Variants in DHRS7 observed in about 807,000 individuals in gnomAD.
The protein encoded by DHRS7 is dehydrogenase/reductase 7.
In DHRS7, 34 loss-of-function variants were observed where a neutral mutation model predicts 38.9. The ratio of observed to expected loss-of-function variants is 0.87; its 90% confidence interval spans 0.66 to 1.16. The LOEUF (loss-of-function observed/expected upper bound fraction) is 1.16. Ranked by LOEUF, DHRS7 falls within the 50% of genes most tolerant of loss-of-function variation. The pLI is 0.00. For missense variants in DHRS7, 421 were observed against 407.0 expected (o/e 1.03, Z -0.30); for synonymous variants, 158 against 153.1 (o/e 1.03, Z -0.24).
At position 60,162,427 on chromosome 14, in the gene DHRS7, G is replaced by C. The variant is rs1896781699; in HGVS notation, c.133+2750C>G. ...TGAGATATATGCTTGGAAATGCACAGAATTTCTCTAGACGGATACAGAGGA... is the reference window on the plus strand; with the variant it reads ...TGAGATATATGCTTGGAAATGCACACAATTTCTCTAGACGGATACAGAGGA... On this transcript the variant is annotated intron_variant, in intron 1 of 6. Transcript: ENST00000557185. This position sits in a 1 kb window ranked among gnomAD's most constrained non-coding sequence, Gnocchi z 4.5. 6.6e-6 allele frequency among the ~76,000 whole-genome samples: 1 copy of C among 151,752 alleles called. No individual in the cohort carries two copies. The highest frequency in any genetic ancestry group is 1.5e-5 in the Non-Finnish European group (1 of 67,976).
rs1896416603 is a variant in DHRS7 at position 60,146,748 on chromosome 14, G to A, written c.973-1735C>T. On this transcript the variant is annotated intron_variant, in intron 6 of 6. Transcript: ENST00000557185. This position sits in a 1 kb window ranked among gnomAD's most constrained non-coding sequence, Gnocchi z 4.9. ...AATATTTTTCAGCCATAAAACAATGGAACTCCTGGCATTTGTGAAAACATG... is the reference window on the plus strand; with the variant it reads ...AATATTTTTCAGCCATAAAACAATGAAACTCCTGGCATTTGTGAAAACATG... 1 of 151,968 alleles carries A rather than the reference G, an allele frequency of 6.6e-6. No homozygotes were observed. The highest frequency in any genetic ancestry group is 2.4e-5 in the African/African-American group (1 of 41,336). 9.4% of individuals were successfully genotyped at this position (151,968 alleles called of 1,614,324 possible). A position where few individuals can be genotyped will look rare whatever the true frequency, so the allele number is the denominator to read the frequency against.
chr14:60,169,160 A>T (rs1252828080), upstream of DHRS7: 1 of 152,360 alleles, frequency 6.6e-6, no homozygotes. Context: ...AAAAAAAAAA[A>T]ACCATTGCAC....
intron 1 of DHRS7, among the ~76,000 whole-genome samples, chr14:60,163,648 T>G (rs1304037548): frequency 6.6e-6 from 1 of 152,216 alleles, no homozygotes; most frequent in Non-Finnish European, 1.5e-5. Context: ...GATCTTAACT[T>G]TTAACTTTTC....
At chr14:60,163,966 G>A (rs1157666862) in intron 1 of DHRS7, among the ~76,000 whole-genome samples, 1 of 152,076 alleles carries the variant, frequency 6.6e-6, no homozygotes, top group Non-Finnish European at 1.5e-5. Context: ...TGCAGTATTT[G>A]GGATTCCTGC....
chr14:60,152,856 C>T (rs761438570), intron 4 of DHRS7, 83 bp downstream of exon 4: 166 of 1,504,154 alleles, frequency 1.1e-4, no homozygotes, highest in Middle Eastern at 1.7e-4. Flanking sequence ...CTTCCAGTTC[C>T]AAGGACCTCA....
At chr14:60,147,269 GATAA>G (rs1158541635) in intron 6 of DHRS7, 1 of 152,066 alleles carries the variant, frequency 6.6e-6, no homozygotes, top group Non-Finnish European at 1.5e-5. Context: ...TCAGTTATAA[GATAA>G]ATAACTTATG....
Position 60,154,036 on chromosome 14 carries a change from GTA to G in DHRS7, c.314_315del (p.Ile105ThrfsTer6). ...TCGGTCAGGTCAAGGGGCAAAACAA[GTA>G]TATCTTTTTCTTTTAAATTGCCATT... ...LENGNLKEKD[I>X]LVLPLDLTDT... On this transcript the variant is annotated frameshift_variant, in exon 3 of 7. Transcript: ENST00000557185. LOFTEE classifies it high-confidence loss of function. The G allele has an allele frequency of 1.2e-6, 2 of 1,613,904 alleles. No individual in the cohort carries two copies. The highest frequency in any genetic ancestry group is 1.7e-6 in the Non-Finnish European group (2 of 1,179,862).
At chr14:60,168,662 C>A, upstream of DHRS7, 3 of 1,519,068 alleles carry the variant, frequency 2.0e-6, no homozygotes, top group Non-Finnish European at 2.6e-6. Context: ...ATGCTTTTTC[C>A]TCTCCTTCTC....
Position 60,162,651 on chromosome 14 carries a change from G to C in DHRS7, c.133+2526C>G, listed in dbSNP as rs959190277. On this transcript the variant is annotated intron_variant, in intron 1 of 6. Coordinates refer to ENST00000557185, the MANE Select transcript of DHRS7 (RefSeq NM_016029.4). The surrounding 1 kb of genome is among the most constrained non-coding windows in gnomAD (Gnocchi z 4.5). ...GGATTTTTTTTTCTTTTTTCATCTT[G>C]ATAGAGTCTGCCCATCTCTCCAGTC... Among the ~76,000 whole-genome samples the C allele has an allele frequency of 6.6e-6, 1 of 150,972 alleles. No homozygotes were observed. The highest frequency in any genetic ancestry group is 1.5e-5 in the Non-Finnish European group (1 of 67,816).
In DHRS7 at chr14:60,165,394, C is replaced by T; in HGVS notation, c.-85G>A. On this transcript the variant is annotated 5_prime_UTR_variant, in exon 1 of 7. Transcript: ENST00000557185. This position sits in a 1 kb window ranked among gnomAD's most constrained non-coding sequence, Gnocchi z 4.6. The stretch of plus-strand genomic sequence containing the variant: ...TGCCCTGCGGGATCGCAGCGCCACC[C>T]CTTCGGCCAGCCCAGAGCCGCACTG... The T allele has an allele frequency of 2.7e-5, 40 of 1,500,318 alleles. No homozygotes were observed. The highest frequency in any genetic ancestry group is 3.5e-5 in the Non-Finnish European group (40 of 1,128,280). The allele number at this position is 1,500,318 out of a possible 1,614,324, so 92.9% of individuals were successfully genotyped here.
rs914297510 is a variant in DHRS7 at position 60,162,736 on chromosome 14, A to G, written c.133+2441T>C. ...TTCCTTTAATCTTTTCTTCTTTCTC[A>G]CTCCCTACCTCCACCAGGAGTCTTT... On this transcript the variant is annotated intron_variant, in intron 1 of 6. Coordinates refer to ENST00000557185, the MANE Select transcript of DHRS7 (RefSeq NM_016029.4). The surrounding 1 kb of genome is among the most constrained non-coding windows in gnomAD (Gnocchi z 4.5). Among the ~76,000 whole-genome samples the G allele has an allele frequency of 2.0e-5, 3 of 150,862 alleles. No individual in the cohort carries two copies.
intron 1 of DHRS7, among the ~76,000 whole-genome samples, chr14:60,160,343 C>CT (rs752997109): frequency 0.037 from 4,296 of 116,750 alleles, 79 homozygotes; most frequent in Admixed American, 0.074. Flanking sequence ...AAAAAAACTT[C>CT]TTTTTTTTTT....
rs998802617 is a variant in DHRS7 at position 60,153,256 on chromosome 14, GTTATTTTGTTAAC to G, written c.394-91_394-79del. On this transcript the variant is annotated intron_variant, in intron 3 of 6. Coordinates refer to ENST00000557185, the MANE Select transcript of DHRS7 (RefSeq NM_016029.4). The surrounding 1 kb of genome is among the most constrained non-coding windows in gnomAD (Gnocchi z 4.4). ...TTGATGGAATTCCTATGGATGGTTG[GTTATTTTGTTAAC>G]TTAAAGAATCAATGGAACAATGGTA... is the stretch of plus-strand genomic sequence containing the variant. 2.7e-6 allele frequency: 4 copies of G among 1,496,336 alleles called. No individual in the cohort carries two copies. The African/African-American group carries it at 5.6e-5, about 21-fold the overall frequency. 92.7% of individuals were successfully genotyped at this position (1,496,336 alleles called of 1,614,324 possible).
At chr14:60,165,699 A>G, upstream of DHRS7, 1 of 996,638 alleles carries the variant, frequency 1.0e-6, no homozygotes. This position sits in a 1 kb window ranked among gnomAD's most constrained non-coding sequence, Gnocchi z 4.6. Flanking sequence ...CTCTCTGTAC[A>G]GGGACACTAT....
chr14:60,169,123 CA>C, upstream of DHRS7: 1 of 11,248 alleles, frequency 8.9e-5, no homozygotes, highest in Non-Finnish European at 2.1e-4. Context: ...AACAAACAAA[CA>C]AAAGAAACCA....
At chr14:60,149,953 C>A in intron 5 of DHRS7, 112 bp downstream of exon 5, 10 of 1,107,250 alleles carry the variant, frequency 9.0e-6, no homozygotes, top group South Asian at 1.9e-5. Context: ...GAATAATTCA[C>A]ATAAAAGCAC....
intron 1 of DHRS7, among the ~76,000 whole-genome samples, chr14:60,160,092 G>A (rs963132017): frequency 9.9e-5 from 15 of 152,128 alleles, no homozygotes; most frequent in East Asian, 1.9e-4. Context: ...TTGGGAGGCC[G>A]AGGCAGGAGG....
chr14:60,151,097 CAGAA>C (rs1896535483), intron 4 of DHRS7, among the ~76,000 whole-genome samples: 1 of 152,146 alleles, frequency 6.6e-6, no homozygotes, highest in African/African-American at 2.4e-5. Flanking sequence ...CAGAAAGTAT[CAGAA>C]AGAATGAATT....
chr14:60,154,801 C>T (rs1413515152), intron 2 of DHRS7, among the ~76,000 whole-genome samples: 1 of 152,158 alleles, frequency 6.6e-6, no homozygotes, highest in Non-Finnish European at 1.5e-5. Flanking sequence ...AGGAAACAGC[C>T]TTGTGCCAGG....
Sources: allele counts gnomAD v4.1 joint callset (sites outside exome capture counted in the v4.1 genomes callset), GRCh38; gene constraint gnomAD v4.1.1; non-coding constraint Gnocchi (gnomAD v3.1); transcripts MANE v1.5; gene names NCBI Gene and HGNC (gene_info 2026-07-23, HGNC 2026-07-21).